FKBP11: variants seen among roughly 807,000 people sequenced by gnomAD.
FKBP11 encodes the protein peptidyl-prolyl cis-trans isomerase FKBP11.
Under a neutral mutation model 24.7 loss-of-function variants are expected in FKBP11, and 21 were observed. The observed-to-expected ratio is 0.85, with a 90% CI of 0.60 to 1.23. FKBP11 has a LOEUF of 1.23. Among genes scored for constraint, FKBP11 ranks in the 50% most tolerant of loss-of-function variants. The probability of loss-of-function intolerance (pLI) is 0.00; values close to 1 mark genes in which losing one functional copy is unlikely to be tolerated. For synonymous variants in FKBP11, 106 were observed against 100.6 expected (o/e 1.05, Z -0.32); for missense variants, 245 against 248.7 (o/e 0.99, Z 0.10).
At chr12:48,935,694 A>C in the FKBP11 span, 1 of 152,244 alleles carries the variant, frequency 6.6e-6, no homozygotes, top group Admixed American at 6.5e-5. Context: ...CATCAGTTGT[A>C]AGAAGGATTA....
chr12:48,923,515 G>A, intron 5 of FKBP11: 1 of 1,551,014 alleles, frequency 6.4e-7, no homozygotes, highest in African/African-American at 1.4e-5. Context: ...ACAGGCAGCA[G>A]ACCCATGTGG....
chr12:48,931,337 G>A, upstream of FKBP11: 1 of 1,279,468 alleles, frequency 7.8e-7, no homozygotes. Flanking sequence ...ACCTGAAGGG[G>A]AAGAGGAGTG....
At chr12:48,922,691 C>G (rs1377949914) in intron 5 of FKBP11, 5 of 993,132 alleles carry the variant, frequency 5.0e-6, no homozygotes, top group Non-Finnish European at 6.0e-6. Context: ...GATGAGGATG[C>G]TGCTTAAGAA....
upstream of FKBP11, among the ~76,000 whole-genome samples, chr12:48,926,768 C>T (rs1939975866): frequency 6.6e-6 from 1 of 151,284 alleles, no homozygotes; most frequent in Non-Finnish European, 1.5e-5. Context: ...GCTGGGATTA[C>T]AGGTATGAGC....
the FKBP11 span, chr12:48,938,902 G>T: frequency 6.3e-7 from 1 of 1,593,792 alleles, no homozygotes; most frequent in South Asian, 1.1e-5. Flanking sequence ...GTGACAGTAG[G>T]TATGTCAGGG....
upstream of FKBP11, chr12:48,925,577 A>C (rs1565701263): frequency 2.0e-6 from 2 of 1,009,572 alleles, no homozygotes; most frequent in Non-Finnish European, 2.8e-6. Flanking sequence ...CCCTTCCTCC[A>C]CCTTGTCCCC....
chr12:48,925,408 G>C lies in FKBP11; in HGVS notation c.21C>G (p.Leu7=), dbSNP rs1234184234. The change falls in exon 1 of 6, where the codon CTC becomes CTG. Residue 7 remains leucine (L), a synonymous_variant. Transcript: ENST00000550765. MTLRPS[L]LPLHLLLLLL... ...GCAGCAGCAGCAGATGGAGCGGGAG[G>C]AGTGAGGGGCGCAGGGTCATGACTG... The C allele has an allele frequency of 6.3e-7, 1 of 1,579,470 alleles. No individual in the cohort carries two copies. The highest frequency in any genetic ancestry group is 1.3e-5 in the African/African-American group (1 of 74,682).
At chr12:48,932,251 ATATATATATATTTTTTTTTTTT>A in the FKBP11 span, among the ~76,000 whole-genome samples, 3 of 39,146 alleles carry the variant, frequency 7.7e-5, no homozygotes, top group Non-Finnish European at 1.4e-4. Context: ...ATATATATAT[ATATATATATATTTTTTTTTTTT>A]TTTTTTTTTT....
chr12:48,922,671 G>A, intron 5 of FKBP11: 3 of 993,058 alleles, frequency 3.0e-6, no homozygotes, highest in Non-Finnish European at 3.6e-6. Context: ...AAGAGCTGAA[G>A]AGGAAGAAGG....
the FKBP11 span, among the ~76,000 whole-genome samples, chr12:48,934,705 A>G: frequency 1.3e-5 from 2 of 152,036 alleles, no homozygotes; most frequent in Non-Finnish European, 2.9e-5. Flanking sequence ...AAAGATATCT[A>G]TTTGCTAATA....
chr12:48,931,499 A>G, the FKBP11 span: 1 of 1,529,696 alleles, frequency 6.5e-7, no homozygotes, highest in Admixed American at 2.0e-5. Context: ...ACAACAGAGA[A>G]AGGTGAGATG....
intron 5 of FKBP11, chr12:48,922,565 A>C: frequency 9.9e-7 from 1 of 1,009,542 alleles, no homozygotes; most frequent in East Asian, 1.0e-4. Context: ...GAGTCTTTGC[A>C]GGGCTGAAAT....
chr12:48,926,491 C>G, upstream of FKBP11: 1 of 147,050 alleles, frequency 6.8e-6, no homozygotes, highest in Admixed American at 6.9e-5. Flanking sequence ...TCTCAAAGTG[C>G]TAGGATTACA....
At chr12:48,936,120 G>A in the FKBP11 span, 1 of 152,382 alleles carries the variant, frequency 6.6e-6, no homozygotes, top group African/African-American at 2.4e-5. Flanking sequence ...GAGCACTATG[G>A]AGAGAGGGAC....
At chr12:48,925,663 C>T (rs1307931986), upstream of FKBP11, 2 of 578,132 alleles carry the variant, frequency 3.5e-6, no homozygotes, top group Non-Finnish European at 3.1e-6. Context: ...CTGACGCATC[C>T]GTTAGACGTT....
chr12:48,932,231 A>ATTTATATATATATT, the FKBP11 span, among the ~76,000 whole-genome samples: 1 of 31,708 alleles, frequency 3.2e-5, no homozygotes, highest in East Asian at 8.4e-4. Context: ...ATATATTTAT[A>ATTTATATATATATT]TATATATATA....
At chr12:48,929,438 T>C (rs1940020801), upstream of FKBP11, among the ~76,000 whole-genome samples, 1 of 152,080 alleles carries the variant, frequency 6.6e-6, no homozygotes, top group Non-Finnish European at 1.5e-5. Context: ...ACAGAGACCT[T>C]GTCTCAAAAA....
At chr12:48,935,265 A>G in the FKBP11 span, among the ~76,000 whole-genome samples, 1 of 152,174 alleles carries the variant, frequency 6.6e-6, no homozygotes, top group African/African-American at 2.4e-5. Context: ...TATTAATAAT[A>G]GAAGTGCTGA....
intron 2 of FKBP11, 105 bp from the exon 3 acceptor site, chr12:48,924,753 G>T: frequency 1.3e-6 from 2 of 1,542,672 alleles, no homozygotes; most frequent in South Asian, 2.4e-5. Flanking sequence ...CCTTAGTGCG[G>T]CAGCCTAGCG....
Sources: gnomAD v4.1 joint callset for allele counts (sites outside exome capture counted in the v4.1 genomes callset) on GRCh38, gnomAD v4.1.1 for gene constraint, MANE v1.5 for transcripts, NCBI Gene and HGNC (gene_info 2026-07-23, HGNC 2026-07-21) for gene names.